Variants in ZNF697 observed in about 807,000 individuals in gnomAD.
The protein encoded by ZNF697 is zinc finger protein 697.
A neutral mutation model predicts 32.4 loss-of-function variants in ZNF697; 23 were observed. That is an observed-to-expected ratio of 0.71 (90% confidence interval 0.51 to 1.01). The LOEUF (loss-of-function observed/expected upper bound fraction) is 1.01. Among genes scored for constraint, ZNF697 ranks in the 50% least tolerant of loss-of-function variants. ZNF697 has a pLI of 0.00. For synonymous variants in ZNF697, 418 were observed against 337.2 expected (o/e 1.24, Z -2.62); for missense variants, 930 against 794.0 (o/e 1.17, Z -2.06).
At chr1:119,637,313 TAC>T (rs1444096345) in intron 1 of ZNF697, among the ~76,000 whole-genome samples, 3 of 152,206 alleles carry the variant, frequency 2.0e-5, no homozygotes, top group Admixed American at 2.0e-4. Flanking sequence ...TTACTACAAA[TAC>T]AGTTTCTTAG....
chr1:119,638,437 C>T (rs587593541), intron 1 of ZNF697, among the ~76,000 whole-genome samples: 8 of 152,328 alleles, frequency 5.3e-5, no homozygotes, highest in African/African-American at 1.9e-4. Context: ...TCACCATCAA[C>T]ACTGTAAAGT....
chr1:119,641,524 G>GAC (rs1267939391), intron 1 of ZNF697, among the ~76,000 whole-genome samples: 2 of 152,152 alleles, frequency 1.3e-5, no homozygotes, highest in African/African-American at 4.8e-5. Context: ...GATCTGAACA[G>GAC]ACACCTCACC....
Position 119,643,607 on chromosome 1 carries a change from G to A in ZNF697, c.-38+4084C>T, listed in dbSNP as rs587761394. 1.2e-3 allele frequency among the ~76,000 whole-genome samples: 189 copies of A among 152,192 alleles called. 1 individual carries two copies. The highest frequency in any genetic ancestry group is 1.9e-3 in the Non-Finnish European group (131 of 68,026). On this transcript the variant is annotated intron_variant, in intron 1 of 2. Transcript: ENST00000421812. Reference sequence around the variant, plus strand: ...AAATCTTGCTGCTCTGATGAAAACAGAATGAATTATCTTCCTTCCTCTCCC... The same window carrying A: ...AAATCTTGCTGCTCTGATGAAAACAAAATGAATTATCTTCCTTCCTCTCCC...
chr1:119,631,212 C>T lies in ZNF697; in HGVS notation c.-37-5075G>A, dbSNP rs587768361. Among the ~76,000 whole-genome samples the T allele has an allele frequency of 9.2e-5, 14 of 152,374 alleles. No individual in the cohort carries two copies. In the South Asian group the frequency reaches 2.9e-3, roughly 32 times the overall value. On this transcript the variant is annotated intron_variant, in intron 1 of 2. Transcript: ENST00000421812. Reference sequence around the variant, plus strand: ...GCCGCCTCGCTGAGGCAGCCTTCTGCGCGGACCCCAAGCTGTCACGCGGCC... The same window carrying T: ...GCCGCCTCGCTGAGGCAGCCTTCTGTGCGGACCCCAAGCTGTCACGCGGCC...
rs1007724241 is a variant in ZNF697 at position 119,619,700 on chromosome 1, T to C, written c.*3005A>G. ...AACACAGGTCCTTAATTTGTATTTT[T>C]TCACATATGTACAGTCTCTTGATTG... is the stretch of plus-strand genomic sequence containing the variant. On this transcript the variant is annotated 3_prime_UTR_variant, in exon 3 of 3. Transcript: ENST00000421812. The C allele has an allele frequency of 6.6e-6, 1 of 152,660 alleles. No homozygotes were observed. The highest frequency in any genetic ancestry group is 6.5e-5 in the Admixed American group (1 of 15,284). 9.5% of individuals were successfully genotyped at this position (152,660 alleles called of 1,614,324 possible). A position where few individuals can be genotyped will look rare whatever the true frequency, so the allele number is the denominator to read the frequency against.
chr1:119,629,942 G>A lies in ZNF697; in HGVS notation c.-37-3805C>T, dbSNP rs191302444. Among the ~76,000 whole-genome samples the A allele has an allele frequency of 2.0e-5, 3 of 152,342 alleles. No individual in the cohort carries two copies. The East Asian group carries it at 5.8e-4, about 29-fold the overall frequency. On this transcript the variant is annotated intron_variant, in intron 1 of 2. Transcript: ENST00000421812. ...CAAATTCAATTAGTTTTCAGCTGCT[G>A]ATTGCCCATCCTGTAAACAGAGTAT...
At position 119,624,092 on chromosome 1, in the gene ZNF697, CCTT is replaced by C. The variant is rs777110021; in HGVS notation, c.248_250del (p.Glu83del). The C allele has an allele frequency of 2.3e-5, 37 of 1,585,708 alleles. No individual in the cohort carries two copies. Among genetic ancestry groups the C allele is most frequent in the Non-Finnish European group, 3.2e-5 (37 of 1,163,578 alleles). On this transcript the variant is annotated inframe_deletion, in exon 3 of 3. Coordinates refer to ENST00000421812, the MANE Select transcript of ZNF697 (RefSeq NM_001080470.2). Reference sequence around the variant, plus strand: ...ATCCTCTTCCCCACGGACAGAAACGCCTTCTTCCTCACTCAGCTGCCCCTCTGC... The same window carrying C: ...ATCCTCTTCCCCACGGACAGAAACGCCTTCCTCACTCAGCTGCCCCTCTGC...
intron 1 of ZNF697, among the ~76,000 whole-genome samples, chr1:119,638,681 C>A (rs1422162602): frequency 7.9e-5 from 12 of 152,190 alleles, no homozygotes; most frequent in Admixed American, 6.5e-4. Context: ...TAGCTTTATA[C>A]AGCTCTTCTA....
chr1:119,619,529 A>T lies in ZNF697; in HGVS notation c.*3176T>A, dbSNP rs699775. The T allele has an allele frequency of 0.69, 104,565 of 152,504 alleles. 36,903 individuals are homozygous for T. Among genetic ancestry groups the T allele is most frequent in the African/African-American group, 0.86 (35,850 of 41,534 alleles). 9.4% of individuals were successfully genotyped at this position (152,504 alleles called of 1,614,324 possible). A position where few individuals can be genotyped will look rare whatever the true frequency, so the allele number is the denominator to read the frequency against. ...ATAAAACAACCTGAAAATAAGGCAA[A>T]TCTCACGTATACAAGCACACTCACA... On this transcript the variant is annotated 3_prime_UTR_variant, in exon 3 of 3. Coordinates refer to ENST00000421812, the MANE Select transcript of ZNF697 (RefSeq NM_001080470.2).
At chr1:119,638,575 C>A (rs1296944882) in intron 1 of ZNF697, among the ~76,000 whole-genome samples, 2 of 152,216 alleles carry the variant, frequency 1.3e-5, no homozygotes, top group Non-Finnish European at 2.9e-5. Flanking sequence ...TCACTGACCA[C>A]CCTGTCTCCT....
In ZNF697 at chr1:119,620,879, G is replaced by A. The variant is rs1431626826; in HGVS notation, c.*1826C>T. 3.6e-5 allele frequency: 3 copies of A among 83,580 alleles called. No homozygotes were observed. Among genetic ancestry groups the A allele is most frequent in the Non-Finnish European group, 6.7e-5 (3 of 44,572 alleles). 5.2% of individuals were successfully genotyped at this position (83,580 alleles called of 1,614,324 possible). The stretch of plus-strand genomic sequence containing the variant: ...TTGCTAAAAGTGTAAAAACAATCTC[G>A]TAGCTTTTTTTCCCCCTTCCACTGT... On this transcript the variant is annotated 3_prime_UTR_variant, in exon 3 of 3. Coordinates refer to ENST00000421812, the MANE Select transcript of ZNF697 (RefSeq NM_001080470.2).
At chr1:119,637,271 G>C (rs957176296) in intron 1 of ZNF697, among the ~76,000 whole-genome samples, 1 of 152,180 alleles carries the variant, frequency 6.6e-6, no homozygotes, top group African/African-American at 2.4e-5. Flanking sequence ...TGCACCATGG[G>C]ATCAAGGACT....
At position 119,622,474 on chromosome 1, in the gene ZNF697, C is replaced by T; in HGVS notation, c.*231G>A. 5.3e-6 allele frequency: 4 copies of T among 759,602 alleles called. No homozygotes were observed. Among genetic ancestry groups the T allele is most frequent in the Non-Finnish European group, 5.8e-6 (3 of 513,144 alleles). 47.1% of individuals were successfully genotyped at this position (759,602 alleles called of 1,614,324 possible). On this transcript the variant is annotated 3_prime_UTR_variant, in exon 3 of 3. Coordinates refer to ENST00000421812, the MANE Select transcript of ZNF697 (RefSeq NM_001080470.2). The stretch of plus-strand genomic sequence containing the variant: ...GCGTGTATTTAAGGAAGTCATCACC[C>T]CAAGCGCATCTCCTGAACAATTCTT...
rs587610519 is a variant in ZNF697 at position 119,622,527 on chromosome 1, G to A, written c.*178C>T. The A allele has an allele frequency of 6.6e-5, 82 of 1,235,540 alleles. No individual in the cohort carries two copies. In the South Asian group the frequency reaches 8.7e-4, roughly 13 times the overall value. 76.5% of individuals were successfully genotyped at this position (1,235,540 alleles called of 1,614,324 possible). ...GTGGAGAGGAGGCAAGTATAGCACC[G>A]GGAAAGACCAACTTACTCAACACTC... On this transcript the variant is annotated 3_prime_UTR_variant, in exon 3 of 3. Coordinates refer to ENST00000421812, the MANE Select transcript of ZNF697 (RefSeq NM_001080470.2).
At chr1:119,625,523 A>C (rs1339769583) in intron 2 of ZNF697, among the ~76,000 whole-genome samples, 4 of 152,218 alleles carry the variant, frequency 2.6e-5, no homozygotes, top group African/African-American at 9.7e-5. Flanking sequence ...TAGTAACTCT[A>C]TATGCAGCAA....
rs987610483 is a variant in ZNF697, at chr1:119,624,023, G to A, written c.320C>T (p.Ser107Phe). Residue 107 changes from serine to phenylalanine, a missense_variant, in exon 3 of 3, where the codon TCT (serine) becomes TTT (phenylalanine). By Grantham distance (155) the Ser-to-Phe change is radical (BLOSUM62 -2). Transcript: ENST00000421812. ...GCTCCGGGATATGCTGTCAGACTCA[G>A]ACAGTCCTGGGAACATCGCCATGTC... ...VADMAMFPGLSESDSISRSLR... is the reference protein window; with the variant it reads ...VADMAMFPGLFESDSISRSLR... 1 of 1,613,318 alleles carries A rather than the reference G, an allele frequency of 6.2e-7. No homozygotes were observed. The highest frequency in any genetic ancestry group is 8.5e-7 in the Non-Finnish European group (1 of 1,179,678).
rs587734493 is a variant in ZNF697 at position 119,648,202 on chromosome 1, TTGGCTGGC to T, written c.-557_-550del. Reference sequence around the variant, plus strand: ...GCTGGGTGGCCCGCTGGCTGGCTGGTTGGCTGGCTGGCTGGCTGGCTGGCTGGCTGGCT... The same window carrying T: ...GCTGGGTGGCCCGCTGGCTGGCTGGTTGGCTGGCTGGCTGGCTGGCTGGCT... On this transcript the variant is annotated 5_prime_UTR_variant, in exon 1 of 3. Coordinates refer to ENST00000421812, the MANE Select transcript of ZNF697 (RefSeq NM_001080470.2). 0.016 allele frequency among the ~76,000 whole-genome samples: 2,399 copies of T among 150,394 alleles called. 61 individuals are homozygous for T. Among genetic ancestry groups the T allele is most frequent in the African/African-American group, 0.055 (2,256 of 41,060 alleles).
chr1:119,631,063 T>G (rs1407114927), intron 1 of ZNF697, among the ~76,000 whole-genome samples: 1 of 152,244 alleles, frequency 6.6e-6, no homozygotes, highest in Non-Finnish European at 1.5e-5. Context: ...CCTAACTTCC[T>G]ATGAAGAGGT....
chr1:119,631,097 T>G (rs2101086185), intron 1 of ZNF697, among the ~76,000 whole-genome samples: 1 of 152,190 alleles, frequency 6.6e-6, no homozygotes, highest in East Asian at 1.9e-4. Flanking sequence ...TGTACACAAC[T>G]CCCCCACCAA....
Sources: allele counts gnomAD v4.1 joint callset (sites outside exome capture counted in the v4.1 genomes callset), GRCh38; gene constraint gnomAD v4.1.1; transcripts MANE v1.5; gene names NCBI Gene and HGNC (gene_info 2026-07-23, HGNC 2026-07-21).